PCDH9: variants seen among roughly 807,000 people sequenced by gnomAD.
PCDH9 encodes the protein protocadherin-9.
In PCDH9, 24 loss-of-function variants were observed where a neutral mutation model predicts 70.6. The ratio of observed to expected loss-of-function variants is 0.34; its 90% CI spans 0.25 to 0.48. PCDH9 has a LOEUF of 0.48. PCDH9 is among the 20% of genes least tolerant of loss of function. The pLI is 0.99. For synonymous variants in PCDH9, 562 were observed against 558.5 expected (o/e 1.01, Z -0.09); for missense variants, 1,281 against 1,503.6 (o/e 0.85, Z 2.45).
chr13:66,631,505 C>G (rs2077571168), intron 3 of PCDH9, 94 bp from the exon 4 acceptor site: 1 of 715,730 alleles, frequency 1.4e-6, no homozygotes, highest in Non-Finnish European at 2.4e-6. Flanking sequence ...CAACAAGTAA[C>G]ACAATGTAAA....
intron 3 of PCDH9, among the ~76,000 whole-genome samples, chr13:66,800,944 C>T (rs992621877): frequency 2.0e-5 from 3 of 151,674 alleles, no homozygotes; most frequent in Non-Finnish European, 4.4e-5. Flanking sequence ...ATAAATGTTA[C>T]CTCTTGTTAT....
chr13:66,449,165 A>T (rs9599116), intron 4 of PCDH9, among the ~76,000 whole-genome samples: 4,113 of 152,284 alleles, frequency 0.027, 89 homozygotes, highest in Non-Finnish European at 0.043. Flanking sequence ...CTATATCTGA[A>T]GGTGCTTTTA....
intron 2 of PCDH9, among the ~76,000 whole-genome samples, chr13:67,116,963 T>C (rs1289501139): frequency 6.6e-6 from 1 of 152,160 alleles, no homozygotes; most frequent in African/African-American, 2.4e-5. Flanking sequence ...TTCACGACTT[T>C]ATATAATCAA....
chr13:66,980,715 CCTGTTTTTTT>C (rs1357642837), intron 2 of PCDH9, among the ~76,000 whole-genome samples: 1,795 of 98,174 alleles, frequency 0.018, 50 homozygotes, highest in African/African-American at 0.063. Flanking sequence ...TTTGTTTTTT[CCTGTTTTTTT>C]CTTTGTTTTT....
At chr13:66,722,424 A>T (rs2078953093) in intron 3 of PCDH9, among the ~76,000 whole-genome samples, 2 of 152,156 alleles carry the variant, frequency 1.3e-5, no homozygotes, top group African/African-American at 4.8e-5. Context: ...TGTTCAGGCT[A>T]AACAATTATA....
intron 2 of PCDH9, among the ~76,000 whole-genome samples, chr13:66,931,532 T>C (rs766860474): frequency 1.6e-4 from 25 of 152,198 alleles, no homozygotes; most frequent in Non-Finnish European, 3.5e-4. Context: ...ATGTAACCTG[T>C]TTAATTTTAT....
chr13:66,710,591 A>T (rs2078779142), intron 3 of PCDH9, among the ~76,000 whole-genome samples: 1 of 152,094 alleles, frequency 6.6e-6, no homozygotes. Flanking sequence ...TCTGTTTTTT[A>T]TTCTGCTGTT....
At chr13:66,406,336 C>G (rs1957280794) in intron 4 of PCDH9, among the ~76,000 whole-genome samples, 1 of 152,158 alleles carries the variant, frequency 6.6e-6, no homozygotes, top group Non-Finnish European at 1.5e-5. Flanking sequence ...ACTATATGGA[C>G]ACCTTCCAGA....
intron 4 of PCDH9, among the ~76,000 whole-genome samples, chr13:66,468,592 T>C (rs533401103): frequency 1.3e-5 from 2 of 152,272 alleles, no homozygotes; most frequent in South Asian, 4.1e-4. Flanking sequence ...AGTGATGCTA[T>C]TAAATGTTTC....
At chr13:66,711,991 C>T (rs1304852996) in intron 3 of PCDH9, among the ~76,000 whole-genome samples, 1 of 152,080 alleles carries the variant, frequency 6.6e-6, no homozygotes, top group East Asian at 1.9e-4. Flanking sequence ...TCATGAAGTT[C>T]TTTTTCTCTC....
chr13:67,118,794 C>T (rs1308434476), intron 2 of PCDH9, among the ~76,000 whole-genome samples: 4 of 152,176 alleles, frequency 2.6e-5, no homozygotes, highest in African/African-American at 9.6e-5. Context: ...AGCACCTTCA[C>T]ACTACAACCT....
At chr13:67,193,354 C>CAA (rs2088971744) in intron 2 of PCDH9, among the ~76,000 whole-genome samples, 1 of 151,832 alleles carries the variant, frequency 6.6e-6, no homozygotes, top group African/African-American at 2.4e-5. Flanking sequence ...CACACACACA[C>CAA]ACACACACAC....
intron 2 of PCDH9, among the ~76,000 whole-genome samples, chr13:67,186,349 A>T (rs1359688067): frequency 6.6e-6 from 1 of 152,194 alleles, no homozygotes; most frequent in African/African-American, 2.4e-5. Context: ...TTCAGGAACC[A>T]AAAACGTATG....
intron 2 of PCDH9, among the ~76,000 whole-genome samples, chr13:67,074,261 G>A (rs1455299826): frequency 5.9e-5 from 9 of 151,960 alleles, no homozygotes; most frequent in Admixed American, 5.3e-4. Flanking sequence ...CTCGTCAATG[G>A]AATTAGTGCC....
chr13:66,533,220 T>C (rs1960543535), intron 4 of PCDH9, among the ~76,000 whole-genome samples: 1 of 152,102 alleles, frequency 6.6e-6, no homozygotes, highest in Admixed American at 6.6e-5. Flanking sequence ...ACTCTTAATA[T>C]ATTCCTTTAT....
At chr13:66,377,853 C>G (rs1291091297) in intron 4 of PCDH9, among the ~76,000 whole-genome samples, 1 of 152,134 alleles carries the variant, frequency 6.6e-6, no homozygotes, top group African/African-American at 2.4e-5. Flanking sequence ...GTCATTCTTT[C>G]ACCTTAATTT....
At chr13:66,887,081 T>G (rs1447467149) in intron 3 of PCDH9, among the ~76,000 whole-genome samples, 1 of 148,864 alleles carries the variant, frequency 6.7e-6, no homozygotes, top group African/African-American at 2.5e-5. Context: ...ACACACACCC[T>G]GTATTTCTAG....
chr13:66,594,871 TTAAA>T (rs1220644996), intron 4 of PCDH9, among the ~76,000 whole-genome samples: 13 of 151,740 alleles, frequency 8.6e-5, no homozygotes, highest in African/African-American at 3.1e-4. Flanking sequence ...ACAGTGTTGA[TTAAA>T]TAAATGATTG....
intron 3 of PCDH9, among the ~76,000 whole-genome samples, chr13:66,876,320 G>A (rs1410881142): frequency 6.6e-6 from 1 of 152,014 alleles, no homozygotes; most frequent in Non-Finnish European, 1.5e-5. Flanking sequence ...CATAACTACA[G>A]ATCAGATATT....
Sources: allele counts gnomAD v4.1 joint callset (sites outside exome capture counted in the v4.1 genomes callset), GRCh38; gene constraint gnomAD v4.1.1; transcripts MANE v1.5; gene names NCBI Gene and HGNC (gene_info 2026-07-23, HGNC 2026-07-21).